The following CAVIN1 variants were observed in gnomAD, a reference collection of about 807,000 sequenced individuals.
CAVIN1 encodes caveolae-associated protein 1.
A neutral mutation model predicts 24.0 loss-of-function variants in CAVIN1; 16 were observed. The ratio of observed to expected loss-of-function variants is 0.67; its 90% CI spans 0.45 to 1.01. CAVIN1 has a LOEUF of 1.01. CAVIN1 is among the 50% of genes least tolerant of loss of function. CAVIN1 has a pLI of 0.00. For missense variants in CAVIN1, 510 were observed against 551.7 expected, an observed-to-expected ratio of 0.92 and a Z score of 0.76; for synonymous variants, 256 against 256.4, an observed-to-expected ratio of 1.00 and a Z score of 0.02.
chr17:42,423,050 G>A lies in CAVIN1; in HGVS notation c.48C>T (p.Tyr16=). The stretch of plus-strand genomic sequence containing the variant: ...AAGGCTCCGGGGCCTCGGCGTCGGG[G>A]TACCCGGGAAGCGGCCGCTCGACAA... ...LYIVERPLPG[Y]PDAEAPEPSS... Residue 16 remains tyrosine, a synonymous_variant, in exon 1 of 2, where the codon TAC becomes TAT. Coordinates refer to ENST00000357037, the MANE Select transcript of CAVIN1 (RefSeq NM_012232.6). The A allele has an allele frequency of 1.2e-6, 2 of 1,609,162 alleles. No individual in the cohort carries two copies. The highest frequency in any genetic ancestry group is 8.5e-7 in the Non-Finnish European group (1 of 1,178,366).
chr17:42,412,810 T>A (rs1229455392), intron 1 of CAVIN1, among the ~76,000 whole-genome samples: 1 of 151,046 alleles, frequency 6.6e-6, no homozygotes, highest in Non-Finnish European at 1.5e-5. Flanking sequence ...AGAGACCGGG[T>A]TTCACTGTGT....
intron 1 of CAVIN1, among the ~76,000 whole-genome samples, chr17:42,418,215 C>A (rs939274872): frequency 6.7e-6 from 1 of 149,026 alleles, no homozygotes; most frequent in African/African-American, 2.5e-5. Flanking sequence ...TTAAGCAATG[C>A]GTGACTGTAT....
chr17:42,412,246 T>C (rs1330355365), intron 1 of CAVIN1: 1 of 984,994 alleles, frequency 1.0e-6, no homozygotes, highest in African/African-American at 1.8e-5. Context: ...CGGCTTCTTC[T>C]TGGGCTAAGA....
intron 1 of CAVIN1, 23 bp from the exon 2 acceptor site, chr17:42,405,411 A>T: frequency 6.2e-7 from 1 of 1,600,930 alleles, no homozygotes; most frequent in Non-Finnish European, 8.5e-7. Flanking sequence ...GAGAAGGGAC[A>T]TGAGAGGCGT....
Position 42,423,114 on chromosome 17 carries a change from G to A in CAVIN1, c.-17C>T. 6.5e-7 allele frequency: 1 copy of A among 1,530,252 alleles called. No individual in the cohort carries two copies. The highest frequency in any genetic ancestry group is 8.8e-7 in the Non-Finnish European group (1 of 1,134,944). 94.8% of individuals were successfully genotyped at this position (1,530,252 alleles called of 1,614,324 possible). ...GTCCTCCATGGCTACCCGGAGCCGTGCGGGACCGGCCGGGTGGGGCTGGAG... is the reference window on the plus strand; with the variant it reads ...GTCCTCCATGGCTACCCGGAGCCGTACGGGACCGGCCGGGTGGGGCTGGAG... On this transcript the variant is annotated 5_prime_UTR_variant, in exon 1 of 2. Coordinates refer to ENST00000357037, the MANE Select transcript of CAVIN1 (RefSeq NM_012232.6).
At chr17:42,411,624 G>A (rs2085479446) in intron 1 of CAVIN1, 1 of 985,268 alleles carries the variant, frequency 1.0e-6, no homozygotes, top group South Asian at 4.7e-5. Flanking sequence ...GCAGGGAGTG[G>A]GTGGAGAGGG....
chr17:42,411,223 A>C (rs962354371), intron 1 of CAVIN1, among the ~76,000 whole-genome samples: 3 of 138,246 alleles, frequency 2.2e-5, no homozygotes, highest in Non-Finnish European at 4.8e-5. Context: ...AAAGGTCTGT[A>C]TATGGGAGTG....
At chr17:42,405,806 G>A (rs1050305634) in intron 1 of CAVIN1, among the ~76,000 whole-genome samples, 94 of 150,556 alleles carry the variant, frequency 6.2e-4, no homozygotes, top group African/African-American at 2.1e-3. Flanking sequence ...TCCTGCCTCA[G>A]CCTCCCGAAT....
intron 1 of CAVIN1, among the ~76,000 whole-genome samples, chr17:42,418,055 A>G (rs2085522613): frequency 1.3e-5 from 2 of 152,088 alleles, no homozygotes; most frequent in Non-Finnish European, 2.9e-5. Flanking sequence ...AACATGCTGT[A>G]TAGGTTTGTA....
chr17:42,422,490 G>A, intron 1 of CAVIN1, 137 bp downstream of exon 1: 1 of 474,754 alleles, frequency 2.1e-6, no homozygotes, highest in Admixed American at 3.3e-5. Flanking sequence ...TCACCGGAAG[G>A]AGGGTGGATC....
intron 1 of CAVIN1, among the ~76,000 whole-genome samples, chr17:42,407,708 T>C (rs2085453918): frequency 2.0e-5 from 3 of 152,224 alleles, no homozygotes; most frequent in Admixed American, 2.0e-4. Flanking sequence ...GCACAGGGCA[T>C]GCTGGGACTT....
chr17:42,406,606 A>C (rs978876880), intron 1 of CAVIN1, among the ~76,000 whole-genome samples: 14 of 151,904 alleles, frequency 9.2e-5, no homozygotes, highest in African/African-American at 2.9e-4. Flanking sequence ...CGAACCCCTG[A>C]CCTCAAATGA....
Position 42,423,145 on chromosome 17 carries a change from G to A in CAVIN1, c.-48C>T. ...CCGGCCGGGTGGGGCTGGAGCTGGA[G>A]CGGGAGACCCGGAGAGAAGCAGGAG... On this transcript the variant is annotated 5_prime_UTR_variant, in exon 1 of 2. Transcript: ENST00000357037. 1 of 1,407,482 alleles carries A rather than the reference G, an allele frequency of 7.1e-7. No homozygotes were observed. Among genetic ancestry groups the A allele is most frequent in the Non-Finnish European group, 9.6e-7 (1 of 1,044,266 alleles). 87.2% of individuals were successfully genotyped at this position (1,407,482 alleles called of 1,614,324 possible). A position where few individuals can be genotyped will look rare whatever the true frequency, so the allele number is the denominator to read the frequency against.
At chr17:42,408,235 C>T (rs7210619) in intron 1 of CAVIN1, among the ~76,000 whole-genome samples, 35 of 152,180 alleles carry the variant, frequency 2.3e-4, no homozygotes, top group African/African-American at 6.7e-4. Context: ...TGTCTCTCTG[C>T]CCTACCCCCA....
chr17:42,422,831 G>T lies in CAVIN1; in HGVS notation c.267C>A (p.Ile89=), dbSNP rs371989035. Residue 89 remains isoleucine, a synonymous_variant, in exon 1 of 2, where the codon ATC becomes ATA. Coordinates refer to ENST00000357037, the MANE Select transcript of CAVIN1 (RefSeq NM_012232.6). ...TGCCCAGCTTGCTCAGCTCGCCCTG[G>T]ATGCTCTGCACTGCGCCCTCCATCT... ...QAEMEGAVQS[I]QGELSKLGKA... 1.2e-4 allele frequency: 193 copies of T among 1,613,654 alleles called. No individual in the cohort carries two copies. The highest frequency in any genetic ancestry group is 1.6e-4 in the Non-Finnish European group (184 of 1,179,944).
chr17:42,404,655 C>G lies in CAVIN1; in HGVS notation c.*32G>C. ...TGCGAAAGAGGAAGTTCGGAAGGAGCGAGGAATGGGGTGGGTGGCAGCGGG... is the reference window on the plus strand; with the variant it reads ...TGCGAAAGAGGAAGTTCGGAAGGAGGGAGGAATGGGGTGGGTGGCAGCGGG... On this transcript the variant is annotated 3_prime_UTR_variant, in exon 2 of 2. Transcript: ENST00000357037. The G allele has an allele frequency of 7.4e-7, 1 of 1,342,916 alleles. No individual in the cohort carries two copies. The highest frequency in any genetic ancestry group is 1.5e-5 in the African/African-American group (1 of 65,274). 83.2% of individuals were successfully genotyped at this position (1,342,916 alleles called of 1,614,324 possible).
intron 1 of CAVIN1, among the ~76,000 whole-genome samples, chr17:42,421,953 CCG>C (rs1470779386): frequency 6.6e-6 from 1 of 152,192 alleles, no homozygotes; most frequent in Non-Finnish European, 1.5e-5. Context: ...TGCCAGCGCG[CCG>C]CGGGTGAGGG....
intron 1 of CAVIN1, among the ~76,000 whole-genome samples, chr17:42,418,551 C>A (rs559357468): frequency 6.6e-6 from 1 of 152,108 alleles, no homozygotes. Context: ...ATTTTATCCC[C>A]ACTTTCTGGA....
chr17:42,421,168 C>T (rs1433375423), intron 1 of CAVIN1, among the ~76,000 whole-genome samples: 1 of 152,122 alleles, frequency 6.6e-6, no homozygotes, highest in Non-Finnish European at 1.5e-5. Context: ...CCACTTCTGC[C>T]TCTGTCCCAC....
Sources: gnomAD v4.1 joint callset for allele counts (sites outside exome capture counted in the v4.1 genomes callset) on GRCh38, gnomAD v4.1.1 for gene constraint, MANE v1.5 for transcripts, NCBI Gene and HGNC (gene_info 2026-07-23, HGNC 2026-07-21) for gene names.